Variants in NHS observed in about 807,000 individuals in gnomAD.
NHS encodes the protein actin remodeling regulator NHS.
Under a neutral mutation model 72.5 loss-of-function variants are expected in NHS, and 5 were observed. That is an observed-to-expected ratio of 0.07 (90% confidence interval 0.04 to 0.14). The LOEUF (loss-of-function observed/expected upper bound fraction) is 0.14. Among genes scored for constraint, NHS ranks in the 10% least tolerant of loss-of-function variants. NHS has a pLI of 1.00. For synonymous variants in NHS, 464 were observed against 547.7 expected (o/e 0.85, Z 2.13); for missense variants, 1,072 against 1,355.7 (o/e 0.79, Z 3.29).
intron 1 of NHS, among the ~76,000 whole-genome samples, chrX:17,545,520 G>T (rs1269334287): frequency 9.0e-6 from 1 of 111,518 alleles, no homozygotes; most frequent in Non-Finnish European, 1.9e-5. Context: ...TCATTCACAT[G>T]GGCACCCCTG....
At chrX:17,572,088 A>T (rs1018018831) in intron 1 of NHS, among the ~76,000 whole-genome samples, 1 of 111,757 alleles carries the variant, frequency 8.9e-6, no homozygotes, top group African/African-American at 3.3e-5. Context: ...ACTTCCAATT[A>T]TGTGGTCAAT....
rs1364463762 is a variant in NHS, at chrX:17,376,096, G to T, written c.339G>T (p.Ala113=). The T allele has an allele frequency of 4.8e-5, 52 of 1,087,272 alleles. 1 individual carries two copies. In the East Asian group the frequency reaches 2.0e-3, roughly 41 times the overall value. 89.6% of individuals were successfully genotyped at this position (1,087,272 alleles called of 1,213,427 possible). A position where few individuals can be genotyped will look rare whatever the true frequency, so the allele number is the denominator to read the frequency against. The change falls in exon 1 of 9, where the codon GCG becomes GCT. Residue 113 remains alanine, a synonymous_variant. Coordinates refer to ENST00000676302, the MANE Select transcript of NHS (RefSeq NM_001291867.2). ...CAGCCGGCGAGGCGTCCTCGGCGGCGGCGGCGGCGGCCGTGCTGCTCATGC... is the reference window on the plus strand; with the variant it reads ...CAGCCGGCGAGGCGTCCTCGGCGGCTGCGGCGGCGGCCGTGCTGCTCATGC... ...APAAGEASSA[A]AAAAVLLMLD...
intron 1 of NHS, among the ~76,000 whole-genome samples, chrX:17,489,509 A>G (rs1249021634): frequency 2.7e-5 from 3 of 110,997 alleles, no homozygotes; most frequent in African/African-American, 9.9e-5. Flanking sequence ...GTTGTTTGAG[A>G]TGGAGTCTCG....
rs186566097 is a variant in NHS, at chrX:17,728,136, T to C, written c.4030T>C (p.Phe1344Leu). 5.5e-5 allele frequency: 66 copies of C among 1,210,143 alleles called. No individual in the cohort carries two copies. In the East Asian group the frequency reaches 1.8e-3, roughly 34 times the overall value. The change falls in exon 7 of 9, where the codon TTT (phenylalanine) becomes CTT (leucine). Residue 1344 changes from phenylalanine (F) to leucine (L), a missense_variant. Transcript: ENST00000676302. ...TGTAAGCAATCAATTTAAGCATCAA[T>C]TTGTTATGAGCCGCCACCATGACAA... ...TDVSNQFKHQ[F>L]VMSRHHDKVP...
In NHS at chrX:17,727,806, A is replaced by G. The variant is rs763718193; in HGVS notation, c.3700A>G (p.Ile1234Val). ...DVKNRCDPET[I>V]TSAGSSLLDS... ...GAAGAATCGCTGCGATCCAGAAACC[A>G]TAACATCAGCTGGTAGCAGTCTTCT... The change falls in exon 7 of 9, where the codon ATA becomes GTA. Residue 1234 changes from isoleucine to valine, a missense_variant. By Grantham distance (29) the Ile-to-Val change is conservative. Coordinates refer to ENST00000676302, the MANE Select transcript of NHS (RefSeq NM_001291867.2). 16 of 1,212,057 alleles carry G rather than the reference A, an allele frequency of 1.3e-5. No homozygotes were observed. The highest frequency in any genetic ancestry group is 1.8e-5 in the Non-Finnish European group (16 of 895,590).
At chrX:17,510,235 C>T (rs1031932694) in intron 1 of NHS, among the ~76,000 whole-genome samples, 35 of 112,506 alleles carry the variant, frequency 3.1e-4, no homozygotes, top group African/African-American at 1.1e-3. Flanking sequence ...GGAAGTGAAA[C>T]ATCAAGTGAG....
At position 17,375,484 on chromosome X, in the gene NHS, G is replaced by C; in HGVS notation, c.-274G>C. ...GTCGACCCTGGTTGGAAGCAAGTGAGAAGAGACCAGGCGCACCCCTAAATT... is the reference window on the plus strand; with the variant it reads ...GTCGACCCTGGTTGGAAGCAAGTGACAAGAGACCAGGCGCACCCCTAAATT... On this transcript the variant is annotated 5_prime_UTR_variant, in exon 1 of 9. Transcript: ENST00000676302. The C allele has an allele frequency of 9.5e-6, 4 of 419,218 alleles. No individual in the cohort carries two copies. Among genetic ancestry groups the C allele is most frequent in the Non-Finnish European group, 4.1e-6 (1 of 241,732 alleles). The allele number at this position is 419,218 out of a possible 1,213,427, so 34.5% of individuals were successfully genotyped here.
intron 1 of NHS, among the ~76,000 whole-genome samples, chrX:17,376,788 G>A (rs1240159771): frequency 8.9e-6 from 1 of 112,551 alleles, no homozygotes; most frequent in Admixed American, 9.3e-5. Flanking sequence ...CAGGAGTAGT[G>A]AGTGTTCTTT....
chrX:17,415,072 G>A (rs1199094585), intron 1 of NHS, among the ~76,000 whole-genome samples: 1 of 111,087 alleles, frequency 9.0e-6, no homozygotes, highest in African/African-American at 3.3e-5. Context: ...TGGAGACCTC[G>A]CTGGGGACAG....
intron 1 of NHS, among the ~76,000 whole-genome samples, chrX:17,574,072 C>T (rs374783191): frequency 2.7e-5 from 3 of 111,272 alleles, no homozygotes; most frequent in East Asian, 5.7e-4. Flanking sequence ...CAGAGGGGCA[C>T]CTGCCTATAT....
chrX:17,729,026 T>C (rs757403009), intron 8 of NHS, among the ~76,000 whole-genome samples: 1 of 112,386 alleles, frequency 8.9e-6, no homozygotes, highest in African/African-American at 3.2e-5. Flanking sequence ...GCTTTATTTT[T>C]CCCCAGGAAA....
At chrX:17,454,635 A>G (rs1601713901) in intron 1 of NHS, among the ~76,000 whole-genome samples, 1 of 112,309 alleles carries the variant, frequency 8.9e-6, no homozygotes, top group Non-Finnish European at 1.9e-5. Flanking sequence ...TGCGGGAGTC[A>G]TATTGTCTCT....
rs1795384764 is a variant in NHS, at chrX:17,375,241, A to G, written c.-517A>G. ...ACCTCCTCCCCGCCCAGCCAGGGAG[A>G]GAGATCCCGGGCGCAATCGCTCCCC... On this transcript the variant is annotated 5_prime_UTR_variant, in exon 1 of 9. Coordinates refer to ENST00000676302, the MANE Select transcript of NHS (RefSeq NM_001291867.2). 9.0e-6 allele frequency among the ~76,000 whole-genome samples: 1 copy of G among 111,447 alleles called. No individual in the cohort carries two copies.
chrX:17,588,612 T>C (rs1415364446), intron 1 of NHS, among the ~76,000 whole-genome samples: 26 of 110,110 alleles, frequency 2.4e-4, no homozygotes, highest in Non-Finnish European at 4.5e-4. Flanking sequence ...TTGCCCTTTT[T>C]CCCCATTTTT....
intron 1 of NHS, among the ~76,000 whole-genome samples, chrX:17,445,766 G>GA (rs2064776305): frequency 1.1e-5 from 1 of 93,728 alleles, no homozygotes; most frequent in Non-Finnish European, 2.1e-5. Context: ...AGGGGGGGGG[G>GA]ACTCTGTATA....
chrX:17,599,639 C>T (rs762314849), intron 1 of NHS, among the ~76,000 whole-genome samples: 1 of 110,123 alleles, frequency 9.1e-6, no homozygotes, highest in Non-Finnish European at 1.9e-5. Context: ...TATTATCATT[C>T]ACATAATTAT....
At chrX:17,612,577 C>T (rs1410100678) in intron 1 of NHS, among the ~76,000 whole-genome samples, 3 of 111,681 alleles carry the variant, frequency 2.7e-5, no homozygotes, top group African/African-American at 9.8e-5. Flanking sequence ...CACATTAACT[C>T]ATTTAATTCT....
At chrX:17,665,870 T>C (rs1487492696) in intron 1 of NHS, among the ~76,000 whole-genome samples, 8 of 112,437 alleles carry the variant, frequency 7.1e-5, no homozygotes, top group Admixed American at 4.7e-4. Context: ...GTTTCTCCTG[T>C]GTCCCTTGCT....
chrX:17,570,602 A>T (rs2065472300), intron 1 of NHS, among the ~76,000 whole-genome samples: 2 of 111,934 alleles, frequency 1.8e-5, no homozygotes, highest in African/African-American at 3.3e-5. Context: ...ATATACAATC[A>T]TGTCATCTGC....
Sources: gnomAD v4.1 joint callset for allele counts (sites outside exome capture counted in the v4.1 genomes callset) on GRCh38, gnomAD v4.1.1 for gene constraint, MANE v1.5 for transcripts, NCBI Gene and HGNC (gene_info 2026-07-23, HGNC 2026-07-21) for gene names.